Variants in PIGR observed in about 807,000 individuals in gnomAD.
PIGR encodes hepatocellular carcinoma associated protein TB6.
A neutral mutation model predicts 69.5 loss-of-function variants in PIGR; 22 were observed. The observed-to-expected ratio is 0.32, with a 90% CI of 0.23 to 0.45. The LOEUF is 0.45. PIGR is among the 20% of genes least tolerant of loss of function. The probability of loss-of-function intolerance (pLI) is 1.00; values close to 1 mark genes in which losing one functional copy is unlikely to be tolerated. For synonymous variants in PIGR, 413 were observed against 407.6 expected (o/e 1.01, Z -0.16); for missense variants, 885 against 974.0 (o/e 0.91, Z 1.22).
At chr1:206,933,887 T>G (rs989438736) in intron 6 of PIGR, among the ~76,000 whole-genome samples, 2 of 151,890 alleles carry the variant, frequency 1.3e-5, no homozygotes, top group Non-Finnish European at 2.9e-5. Context: ...TTTTTTTTTT[T>G]GAAATGGAAT....
chr1:206,928,870 T>C lies in PIGR; in HGVS notation c.*1448A>G, dbSNP rs1220708844. On this transcript the variant is annotated 3_prime_UTR_variant, in exon 11 of 11. Coordinates refer to ENST00000356495, the MANE Select transcript of PIGR (RefSeq NM_002644.4). ...CCTCCAACAGAGGGGCAGGGGCTCT[T>C]GTAGAGAGATCCCTGGCCCAGGACA... The C allele has an allele frequency of 6.6e-6, 1 of 152,548 alleles. No homozygotes were observed. The highest frequency in any genetic ancestry group is 1.5e-5 in the Non-Finnish European group (1 of 68,024). 9.4% of individuals were successfully genotyped at this position (152,548 alleles called of 1,614,324 possible).
At chr1:206,945,019 AC>A (rs1680076892) in intron 1 of PIGR, among the ~76,000 whole-genome samples, 1 of 152,100 alleles carries the variant, frequency 6.6e-6, no homozygotes, top group South Asian at 2.1e-4. Context: ...AGCCTGTGTG[AC>A]CCCATTTTTT....
chr1:206,931,686 G>A lies in PIGR; in HGVS notation c.2125C>T (p.Leu709Phe). ...AGGGTCATACCTTCTTTTCCTCCGA[G>A]GGATGTCTCCTGAGTGATCGAAGAG... ...GASSITQETS[L>F]GGKEEFVATT... The change falls in exon 9 of 11, where the codon CTC becomes TTC. Residue 709 changes from leucine to phenylalanine, a missense_variant. Coordinates refer to ENST00000356495, the MANE Select transcript of PIGR (RefSeq NM_002644.4). The A allele has an allele frequency of 6.2e-7, 1 of 1,614,122 alleles. No individual in the cohort carries two copies. Among genetic ancestry groups the A allele is most frequent in the Non-Finnish European group, 8.5e-7 (1 of 1,180,020 alleles).
rs963983607 is a variant in PIGR, at chr1:206,928,584, G to A, written c.*1734C>T. Reference sequence around the variant, plus strand: ...ATTTCTGATTTGTTAGCAAGTGCCAGCTTGTAGGCTGGTTGAAGTACAGAA... The same window carrying A: ...ATTTCTGATTTGTTAGCAAGTGCCAACTTGTAGGCTGGTTGAAGTACAGAA... On this transcript the variant is annotated 3_prime_UTR_variant, in exon 11 of 11. Coordinates refer to ENST00000356495, the MANE Select transcript of PIGR (RefSeq NM_002644.4). 3 of 152,640 alleles carry A rather than the reference G, an allele frequency of 2.0e-5. No individual in the cohort carries two copies. Among genetic ancestry groups the A allele is most frequent in the African/African-American group, 7.2e-5 (3 of 41,448 alleles). 9.5% of individuals were successfully genotyped at this position (152,640 alleles called of 1,614,324 possible).
intron 1 of PIGR, among the ~76,000 whole-genome samples, chr1:206,945,050 G>T (rs979080611): frequency 6.6e-6 from 1 of 152,174 alleles, no homozygotes; most frequent in Non-Finnish European, 1.5e-5. Context: ...AGCCACAGAG[G>T]TCTAGCGGCA....
chr1:206,941,712 T>C (rs1679990216), intron 1 of PIGR, among the ~76,000 whole-genome samples: 2 of 152,226 alleles, frequency 1.3e-5, no homozygotes, highest in South Asian at 4.1e-4. Context: ...GTCTCCACCG[T>C]GGACACAGCC....
intron 8 of PIGR, 83 bp downstream of exon 8, chr1:206,932,373 C>A (rs1679770804): frequency 7.0e-7 from 1 of 1,434,070 alleles, no homozygotes; most frequent in African/African-American, 1.4e-5. Flanking sequence ...AGAAGAGACA[C>A]AGCAGCTTCC....
In PIGR at chr1:206,939,200, C is replaced by T; in HGVS notation, c.307G>A (p.Asp103Asn). 6.2e-7 allele frequency: 1 copy of T among 1,614,222 alleles called. No individual in the cohort carries two copies. Among genetic ancestry groups the T allele is most frequent in the Non-Finnish European group, 8.5e-7 (1 of 1,180,040 alleles). ...CCACACTTGTAGCGCCCGGAGTCAT[C>T]CTGGCTCAGCTGGGCAATGTTCACC... is the stretch of plus-strand genomic sequence containing the variant. ...FVVNIAQLSQ[D>N]DSGRYKCGLG... Residue 103 changes from aspartate (D) to asparagine (N), a missense_variant, in exon 3 of 11, where the codon GAT becomes AAT. Asp to Asn is a conservative substitution (Grantham distance 23). Transcript: ENST00000356495.
chr1:206,941,471 T>A (rs539856922), intron 1 of PIGR, among the ~76,000 whole-genome samples: 7 of 152,252 alleles, frequency 4.6e-5, no homozygotes, highest in South Asian at 4.1e-4. Flanking sequence ...GAGCTTTATA[T>A]GTTCCCTTGA....
chr1:206,935,951 A>ATTTTCT lies in PIGR; in HGVS notation c.1046-134_1046-133insAGAAAA. 1.5e-6 allele frequency: 1 copy of ATTTTCT among 646,792 alleles called. No homozygotes were observed. The highest frequency in any genetic ancestry group is 2.7e-6 in the Non-Finnish European group (1 of 374,896). The allele number at this position is 646,792 out of a possible 1,614,324, so 40.1% of individuals were successfully genotyped here. ...TTACACGCATCACCTTACCCTCTTC[A>ATTTTCT]GAAAATGAAAAGGAGCTTTCCTAAT... On this transcript the variant is annotated intron_variant, in intron 4 of 10. Coordinates refer to ENST00000356495, the MANE Select transcript of PIGR (RefSeq NM_002644.4). The surrounding 1 kb of genome is among the most constrained non-coding windows in gnomAD (Gnocchi z 4.4).
chr1:206,942,892 T>C (rs991029096), intron 1 of PIGR, among the ~76,000 whole-genome samples: 2 of 152,168 alleles, frequency 1.3e-5, no homozygotes, highest in African/African-American at 2.4e-5. Flanking sequence ...CAGTCCTAGA[T>C]GGGATGATTG....
chr1:206,939,008 C>G, intron 3 of PIGR, 111 bp downstream of exon 3: 1 of 964,696 alleles, frequency 1.0e-6, no homozygotes, highest in Non-Finnish European at 1.6e-6. Flanking sequence ...GCCTTCTGAC[C>G]CCCAACCCGG....
In PIGR at chr1:206,931,531, G is replaced by A; in HGVS notation, c.2165C>T (p.Thr722Ile). Residue 722 changes from threonine (T) to isoleucine (I), a missense_variant, in exon 10 of 11, where the codon ACC (threonine) becomes ATC (isoleucine). Coordinates refer to ENST00000356495, the MANE Select transcript of PIGR (RefSeq NM_002644.4). Reference sequence around the variant, plus strand: ...CTTCTTGGGTTCTTTGGTCTCTGTGGTGCTCTCAGTGGTGGCAACAAACTC... The same window carrying A: ...CTTCTTGGGTTCTTTGGTCTCTGTGATGCTCTCAGTGGTGGCAACAAACTC... ...KEEFVATTES[T>I]TETKEPKKAK... is the part of the protein sequence containing the mutation. 4 of 1,614,046 alleles carry A rather than the reference G, an allele frequency of 2.5e-6. No individual in the cohort carries two copies. Among genetic ancestry groups the A allele is most frequent in the Non-Finnish European group, 3.4e-6 (4 of 1,179,998 alleles).
intron 4 of PIGR, among the ~76,000 whole-genome samples, 164 bp downstream of exon 4, chr1:206,936,931 C>T (rs537406434): frequency 5.9e-5 from 9 of 152,356 alleles, no homozygotes; most frequent in African/African-American, 2.2e-4. Flanking sequence ...CTTTTTCTTG[C>T]TGTCCTGTGC....
intron 1 of PIGR, among the ~76,000 whole-genome samples, chr1:206,944,293 T>C (rs1202701154): frequency 2.0e-5 from 3 of 151,988 alleles, no homozygotes; most frequent in Non-Finnish European, 4.4e-5. Flanking sequence ...GCCAACATGG[T>C]AAAACCCCAT....
At position 206,932,529 on chromosome 1, in the gene PIGR, C is replaced by A. The variant is rs755576254; in HGVS notation, c.1935G>T (p.Val645=). The change falls in exon 8 of 11, where the codon GTG becomes GTT. Residue 645 remains valine, a synonymous_variant. Coordinates refer to ENST00000356495, the MANE Select transcript of PIGR (RefSeq NM_002644.4). Reference sequence around the variant, plus strand: ...CCACTGCCAGCACCAGGCCCAGGGGCACCAGGGTGGAGACCAGCGCTCTGG... The same window carrying A: ...CCACTGCCAGCACCAGGCCCAGGGGAACCAGGGTGGAGACCAGCGCTCTGG... ...GSSRALVSTL[V]PLGLVLAVGA... is the part of the protein sequence containing the mutation. 1.9e-6 allele frequency: 3 copies of A among 1,613,908 alleles called. No homozygotes were observed. Among genetic ancestry groups the A allele is most frequent in the Non-Finnish European group, 2.5e-6 (3 of 1,180,010 alleles).
intron 7 of PIGR, 43 bp from the exon 8 acceptor site, chr1:206,932,620 T>C: frequency 6.4e-7 from 1 of 1,571,906 alleles, no homozygotes; most frequent in Non-Finnish European, 8.6e-7. Flanking sequence ...AAGGGAGATC[T>C]GGGGGCCCGA....
chr1:206,939,969 C>T (rs1650275786), intron 2 of PIGR, among the ~76,000 whole-genome samples: 1 of 152,226 alleles, frequency 6.6e-6, no homozygotes, highest in Admixed American at 6.5e-5. Flanking sequence ...ATCCACCCTC[C>T]TTGGCCTCCC....
chr1:206,939,853 A>G (rs1158468596), intron 2 of PIGR, among the ~76,000 whole-genome samples: 1 of 152,104 alleles, frequency 6.6e-6, no homozygotes, highest in East Asian at 1.9e-4. Flanking sequence ...CAGCCTCCCA[A>G]GTAGTTGGGA....
Sources: allele counts gnomAD v4.1 joint callset (sites outside exome capture counted in the v4.1 genomes callset), GRCh38; gene constraint gnomAD v4.1.1; non-coding constraint Gnocchi (gnomAD v3.1); transcripts MANE v1.5; gene names NCBI Gene and HGNC (gene_info 2026-07-23, HGNC 2026-07-21).